Variants in SEMA3A observed in about 807,000 individuals in gnomAD.
SEMA3A encodes semaphorin 3A, also known as semaphorin-3A.
In SEMA3A, 29 loss-of-function variants were observed where a neutral mutation model predicts 97.9. The ratio of observed to expected loss-of-function variants is 0.30; its 90% CI spans 0.22 to 0.40. The LOEUF is 0.40. Among genes scored for constraint, SEMA3A ranks in the 10% least tolerant of loss-of-function variants. SEMA3A has a pLI of 1.00. For missense variants in SEMA3A, 763 were observed against 951.3 expected, an observed-to-expected ratio of 0.80 and a Z score of 2.60; for synonymous variants, 321 against 323.7, an observed-to-expected ratio of 0.99 and a Z score of 0.09.
At chr7:84,429,171 CTACTT>C (rs1158784137) in intron 1 of SEMA3A, among the ~76,000 whole-genome samples, 1 of 151,894 alleles carries the variant, frequency 6.6e-6, no homozygotes, top group Admixed American at 6.6e-5. Context: ...TTGAGAATCT[CTACTT>C]TATTTATGCC....
chr7:84,046,439 T>A lies in SEMA3A; in HGVS notation c.552A>T (p.Gly184=), dbSNP rs771847294. 1.9e-6 allele frequency: 3 copies of A among 1,612,714 alleles called. No homozygotes were observed. The highest frequency in any genetic ancestry group is 1.7e-5 in the Admixed American group (1 of 59,870). ...CAGCTGCAGTTCCAGAGTATAATTC[T>A]CCATCTGTGTTGTGACAAAACCACA... ...KLLTASLLID[G]ELYSGTAADF... Residue 184 remains glycine (G), a synonymous_variant, in exon 6 of 17, where the codon GGA becomes GGT. Coordinates refer to ENST00000265362, the MANE Select transcript of SEMA3A (RefSeq NM_006080.3).
chr7:84,400,752 G>T (rs1803878562), intron 1 of SEMA3A, among the ~76,000 whole-genome samples: 1 of 152,162 alleles, frequency 6.6e-6, no homozygotes, highest in African/African-American at 2.4e-5. Flanking sequence ...AAACCTAGAT[G>T]AAGACATATT....
At chr7:84,405,391 A>G (rs1427152820) in intron 1 of SEMA3A, among the ~76,000 whole-genome samples, 2 of 152,238 alleles carry the variant, frequency 1.3e-5, no homozygotes, top group Non-Finnish European at 2.9e-5. Flanking sequence ...CCAGATTCAT[A>G]AAGCAAGTCC....
chr7:84,065,536 GAAAA>G (rs1014443567), intron 4 of SEMA3A, among the ~76,000 whole-genome samples: 1 of 148,052 alleles, frequency 6.8e-6, no homozygotes, highest in Non-Finnish European at 1.5e-5. Context: ...GACTAATAAA[GAAAA>G]AAAGAGAGAA....
At chr7:84,435,963 G>T (rs1254755718) in intron 1 of SEMA3A, among the ~76,000 whole-genome samples, 1 of 152,098 alleles carries the variant, frequency 6.6e-6, no homozygotes, top group East Asian at 1.9e-4. Context: ...AAACAGCATG[G>T]TACTGGTATA....
At chr7:84,476,388 T>G (rs754797083) in intron 1 of SEMA3A, among the ~76,000 whole-genome samples, 1 of 151,844 alleles carries the variant, frequency 6.6e-6, no homozygotes, top group South Asian at 2.1e-4. Flanking sequence ...GAAAAAATTT[T>G]TTTTCAATGT....
intron 3 of SEMA3A, among the ~76,000 whole-genome samples, chr7:84,211,959 C>T (rs1180019438): frequency 6.6e-6 from 1 of 152,134 alleles, no homozygotes. Flanking sequence ...ATGAAACAAC[C>T]AACCTGGGAA....
intron 14 of SEMA3A, among the ~76,000 whole-genome samples, chr7:83,978,172 T>C (rs1258524073): frequency 1.3e-5 from 2 of 152,078 alleles, no homozygotes; most frequent in Non-Finnish European, 2.9e-5. Flanking sequence ...CCAATTTACC[T>C]GTGAAGTGAA....
At chr7:84,394,217 C>A (rs1340251659) in intron 1 of SEMA3A, among the ~76,000 whole-genome samples, 6 of 151,998 alleles carry the variant, frequency 3.9e-5, no homozygotes, top group Non-Finnish European at 7.4e-5. Flanking sequence ...AACAATCATC[C>A]TTTTGCTGCC....
chr7:84,424,993 T>A (rs1804753254), intron 1 of SEMA3A, among the ~76,000 whole-genome samples: 1 of 103,480 alleles, frequency 9.7e-6, no homozygotes, highest in Non-Finnish European at 1.7e-5. Flanking sequence ...ATAATTATAT[T>A]TTTATTTATT....
intron 1 of SEMA3A, among the ~76,000 whole-genome samples, chr7:84,466,286 C>A (rs1584344965): frequency 6.6e-6 from 1 of 152,210 alleles, no homozygotes; most frequent in East Asian, 1.9e-4. Context: ...GATTCTCCTG[C>A]CTTAGCCTCC....
At chr7:84,404,802 T>C (rs960014407) in intron 1 of SEMA3A, among the ~76,000 whole-genome samples, 44 of 152,032 alleles carry the variant, frequency 2.9e-4, no homozygotes, top group Non-Finnish European at 5.6e-4. Context: ...CTAAGCTTCA[T>C]AAGTGAAGGA....
chr7:84,273,904 C>T (rs1247007588), intron 3 of SEMA3A, among the ~76,000 whole-genome samples: 1 of 151,818 alleles, frequency 6.6e-6, no homozygotes, highest in East Asian at 1.9e-4. Flanking sequence ...ATTTGTCTGT[C>T]TCATTATGGG....
chr7:83,999,876 A>G (rs1426650318), intron 12 of SEMA3A, among the ~76,000 whole-genome samples: 1 of 152,124 alleles, frequency 6.6e-6, no homozygotes. Context: ...CTACTGGAGA[A>G]TAATATGGTG....
intron 1 of SEMA3A, among the ~76,000 whole-genome samples, chr7:84,168,553 G>A (rs1316518050): frequency 6.6e-6 from 1 of 151,794 alleles, no homozygotes; most frequent in African/African-American, 2.4e-5. Flanking sequence ...CTAAAAGGAA[G>A]ATAACTTCTA....
At chr7:84,439,218 C>T (rs75205583) in intron 1 of SEMA3A, among the ~76,000 whole-genome samples, 4,041 of 151,782 alleles carry the variant, frequency 0.027, 165 homozygotes, top group African/African-American at 0.091. Context: ...TCTATTAGAA[C>T]ATAGGTAAGA....
intron 4 of SEMA3A, among the ~76,000 whole-genome samples, chr7:84,061,992 C>T (rs1235847459): frequency 6.6e-6 from 1 of 152,146 alleles, no homozygotes; most frequent in Non-Finnish European, 1.5e-5. Flanking sequence ...TCTCTGGTCA[C>T]TGTTTCATAT....
chr7:84,185,665 T>C (rs1797857534), intron 1 of SEMA3A, among the ~76,000 whole-genome samples: 1 of 129,454 alleles, frequency 7.7e-6, no homozygotes, highest in Admixed American at 9.2e-5. Context: ...CACTCCAGCC[T>C]GGGTGACAAG....
chr7:84,488,034 T>A (rs992351416), intron 1 of SEMA3A, among the ~76,000 whole-genome samples: 2 of 152,060 alleles, frequency 1.3e-5, no homozygotes, highest in African/African-American at 4.8e-5. Flanking sequence ...ATAATTATAA[T>A]AATATGGACT....
Sources: allele counts gnomAD v4.1 joint callset (sites outside exome capture counted in the v4.1 genomes callset), GRCh38; gene constraint gnomAD v4.1.1; transcripts MANE v1.5; gene names NCBI Gene and HGNC (gene_info 2026-07-23, HGNC 2026-07-21).